The following SCYL2 variants were observed in gnomAD, a reference collection of about 807,000 sequenced individuals.
The protein encoded by SCYL2 is SCY1 like pseudokinase 2.
A neutral mutation model predicts 100.4 loss-of-function variants in SCYL2; 36 were observed. The ratio of observed to expected loss-of-function variants is 0.36; its 90% CI spans 0.27 to 0.47. The LOEUF (loss-of-function observed/expected upper bound fraction) is 0.47. Among genes scored for constraint, SCYL2 ranks in the 20% least tolerant of loss-of-function variants. The pLI, the probability that SCYL2 is intolerant of heterozygous loss-of-function variation, is 1.00. For missense variants in SCYL2, 902 were observed against 1,083.9 expected (o/e 0.83, Z 2.36); for synonymous variants, 330 against 359.2 (o/e 0.92, Z 0.92).
chr12:100,328,277 TA>T (rs35452685), intron 12 of SCYL2, among the ~76,000 whole-genome samples: 2 of 151,200 alleles, frequency 1.3e-5, no homozygotes, highest in African/African-American at 4.9e-5. Flanking sequence ...GACCCTGTCT[TA>T]AAAAAAAAGT....
intron 4 of SCYL2, among the ~76,000 whole-genome samples, chr12:100,302,496 A>C (rs2096329090): frequency 6.6e-6 from 1 of 152,122 alleles, no homozygotes; most frequent in African/African-American, 2.4e-5. Context: ...GTAGGATTTT[A>C]TTTCTCCTTC....
chr12:100,311,315 T>G (rs927937089), intron 5 of SCYL2, 122 bp downstream of exon 5: 1 of 903,496 alleles, frequency 1.1e-6, no homozygotes, highest in African/African-American at 1.7e-5. Context: ...TATAGAAAAT[T>G]TATAGTGTTC....
intron 11 of SCYL2, among the ~76,000 whole-genome samples, chr12:100,325,855 G>A (rs2135925966): frequency 6.6e-6 from 1 of 152,032 alleles, no homozygotes; most frequent in African/African-American, 2.4e-5. Context: ...TATCTCTTGT[G>A]TTTTAATTTC....
rs1316710575 is a variant in SCYL2, at chr12:100,317,831, A to T, written c.1301A>T (p.Asp434Val). 1 of 1,604,112 alleles carries T rather than the reference A, an allele frequency of 6.2e-7. No homozygotes were observed. The highest frequency in any genetic ancestry group is 8.5e-7 in the Non-Finnish European group (1 of 1,178,050). The change falls in exon 10 of 18, where the codon GAT becomes GTT. Residue 434 changes from aspartate to valine, a missense_variant. Coordinates refer to ENST00000360820, the MANE Select transcript of SCYL2 (RefSeq NM_017988.6). ...TTGTTAATTTTCCTACAAAAAATGG[A>T]TTTGCTACTAACCAAAACCCCTCCT... ...QILLIFLQKM[D>V]LLLTKTPPDE...
At chr12:100,293,359 A>G (rs2096312793) in intron 3 of SCYL2, among the ~76,000 whole-genome samples, 1 of 152,152 alleles carries the variant, frequency 6.6e-6, no homozygotes, top group South Asian at 2.1e-4. Context: ...ACTATTGTGA[A>G]TCCTGTATCC....
chr12:100,302,658 A>T (rs961260309), intron 4 of SCYL2, among the ~76,000 whole-genome samples: 6 of 152,092 alleles, frequency 3.9e-5, no homozygotes, highest in Non-Finnish European at 7.4e-5. Flanking sequence ...TTTGTGGGTA[A>T]CCCGACCTTT....
chr12:100,277,430 G>T (rs559014052), intron 1 of SCYL2, among the ~76,000 whole-genome samples: 2 of 152,160 alleles, frequency 1.3e-5, no homozygotes, highest in South Asian at 2.1e-4. Flanking sequence ...CATTTATTTC[G>T]AAGTTCTCTT....
chr12:100,284,705 C>T (rs1164150105), intron 2 of SCYL2, among the ~76,000 whole-genome samples: 4 of 152,092 alleles, frequency 2.6e-5, no homozygotes, highest in South Asian at 2.1e-4. Flanking sequence ...TCAAGTGATC[C>T]GCCCGTCTCG....
intron 5 of SCYL2, 58 bp downstream of exon 5, chr12:100,311,251 G>C (rs561562895): frequency 1.3e-6 from 2 of 1,517,184 alleles, no homozygotes; most frequent in South Asian, 2.7e-5. Context: ...ATTGCATCTG[G>C]AATGGACTAG....
At chr12:100,293,303 T>G (rs1251037118) in intron 3 of SCYL2, among the ~76,000 whole-genome samples, 2 of 152,100 alleles carry the variant, frequency 1.3e-5, no homozygotes, top group African/African-American at 4.8e-5. Flanking sequence ...TGCCTTTCTT[T>G]TCATGGATAA....
At chr12:100,284,714 C>T (rs779744131) in intron 2 of SCYL2, among the ~76,000 whole-genome samples, 4 of 152,142 alleles carry the variant, frequency 2.6e-5, no homozygotes, top group Admixed American at 6.5e-5. Flanking sequence ...CCGCCCGTCT[C>T]GGCCTCCCAA....
intron 2 of SCYL2, among the ~76,000 whole-genome samples, chr12:100,288,010 C>A (rs2096306302): frequency 6.6e-6 from 1 of 151,996 alleles, no homozygotes; most frequent in Admixed American, 6.6e-5. Flanking sequence ...TGGACTTTTG[C>A]ATAAATGATG....
rs774334082 is a variant in SCYL2, at chr12:100,312,476, G to C, written c.675G>C (p.Leu225Phe). ...AATGGGACCCAAATTTACCTTCATT[G>C]TGTCTTCCAAATCCTGAATATTTGG... The part of the protein sequence containing the change: ...CKEWDPNLPS[L>F]CLPNPEYLAP... Residue 225 changes from leucine (L) to phenylalanine (F), a missense_variant, in exon 6 of 18, where the codon TTG becomes TTC. Transcript: ENST00000360820. The C allele has an allele frequency of 2.5e-6, 4 of 1,613,342 alleles. No individual in the cohort carries two copies. The highest frequency in any genetic ancestry group is 3.4e-6 in the Non-Finnish European group (4 of 1,179,896).
intron 1 of SCYL2, among the ~76,000 whole-genome samples, chr12:100,276,376 A>G (rs546634649): frequency 2.0e-4 from 31 of 152,058 alleles, no homozygotes; most frequent in African/African-American, 7.5e-4. Context: ...TTTGTCACGC[A>G]GGCCAGAGGA....
At chr12:100,323,695 A>G in intron 11 of SCYL2, 57 bp downstream of exon 11, 1 of 905,080 alleles carries the variant, frequency 1.1e-6, no homozygotes, top group Non-Finnish European at 1.8e-6. Context: ...GCTTTAAATC[A>G]TTTTCTTATT....
At chr12:100,334,338 G>A (rs1437499460) in intron 14 of SCYL2, 72 bp downstream of exon 14, 5 of 879,278 alleles carry the variant, frequency 5.7e-6, no homozygotes, top group South Asian at 1.4e-5. Flanking sequence ...TGATTTTCTG[G>A]AATATGGAAT....
chr12:100,276,428 G>C (rs151326023), intron 1 of SCYL2, among the ~76,000 whole-genome samples: 170 of 152,158 alleles, frequency 1.1e-3, no homozygotes, highest in Non-Finnish European at 1.9e-3. Context: ...GATCTCCCAG[G>C]CTTAAGCAAT....
At chr12:100,277,606 G>A (rs1467033825) in intron 1 of SCYL2, among the ~76,000 whole-genome samples, 1 of 152,032 alleles carries the variant, frequency 6.6e-6, no homozygotes, top group Non-Finnish European at 1.5e-5. Context: ...CTTTTAAAGT[G>A]GGTTTTTGTA....
At chr12:100,294,413 C>G (rs1416482977) in intron 3 of SCYL2, among the ~76,000 whole-genome samples, 2 of 110,370 alleles carry the variant, frequency 1.8e-5, no homozygotes, top group African/African-American at 3.5e-5. Context: ...CCGGACGGGG[C>G]GGCTGGCCGG....
Sources: allele counts gnomAD v4.1 joint callset (sites outside exome capture counted in the v4.1 genomes callset), GRCh38; gene constraint gnomAD v4.1.1; transcripts MANE v1.5; gene names NCBI Gene and HGNC (gene_info 2026-07-23, HGNC 2026-07-21).